Variants in KCNK18 observed in about 807,000 individuals in gnomAD.
KCNK18 encodes potassium two pore domain channel subfamily K member 18, also known as potassium channel subfamily K member 18.
KCNK18 carries 8 observed loss-of-function variants against 11.8 expected under a neutral mutation model. That is an observed-to-expected ratio of 0.68 (90% CI 0.40 to 1.22). The LOEUF is 1.22. KCNK18 is among the 50% of genes most tolerant of loss of function. The pLI is 0.01. For missense variants in KCNK18, 442 were observed against 465.4 expected, an observed-to-expected ratio of 0.95 and a Z score of 0.46; for synonymous variants, 208 against 185.8, an observed-to-expected ratio of 1.12 and a Z score of -0.97.
chr10:117,198,470 T>C (rs1341983968), intron 1 of KCNK18, among the ~76,000 whole-genome samples: 1 of 152,210 alleles, frequency 6.6e-6, no homozygotes, highest in Non-Finnish European at 1.5e-5. Flanking sequence ...ATTCTGGCTC[T>C]TGGAAGACAG....
chr10:117,201,457 C>T lies in KCNK18; in HGVS notation c.352+170C>T, dbSNP rs115451123. 3.6e-3 allele frequency among the ~76,000 whole-genome samples: 546 copies of T among 152,260 alleles called. 7 individuals carry two copies. Among genetic ancestry groups the T allele is most frequent in the African/African-American group, 0.013 (526 of 41,550 alleles). ...TACAAATAGCAGCAGCTGCGCTGGCCGACACCTTTGCACTGAAGATGCACC... is the reference window on the plus strand; with the variant it reads ...TACAAATAGCAGCAGCTGCGCTGGCTGACACCTTTGCACTGAAGATGCACC... On this transcript the variant is annotated intron_variant, in intron 2 of 2. Coordinates refer to ENST00000334549, the MANE Select transcript of KCNK18 (RefSeq NM_181840.1).
chr10:117,202,122 G>A (rs1369025728), intron 2 of KCNK18, among the ~76,000 whole-genome samples: 1 of 152,230 alleles, frequency 6.6e-6, no homozygotes, highest in African/African-American at 2.4e-5. Flanking sequence ...GAGAGAGCAA[G>A]TGCCCATCCC....
Position 117,210,016 on chromosome 10 carries a change from T to C in KCNK18, c.872T>C (p.Phe291Ser). 1 of 1,614,208 alleles carries C rather than the reference T, an allele frequency of 6.2e-7. No homozygotes were observed. Among genetic ancestry groups the C allele is most frequent in the Non-Finnish European group, 8.5e-7 (1 of 1,180,032 alleles). The change falls in exon 3 of 3, where the codon TTT becomes TCT. Residue 291 changes from phenylalanine (F) to serine (S), a missense_variant. Coordinates refer to ENST00000334549, the MANE Select transcript of KCNK18 (RefSeq NM_181840.1). ...IPLPIIALIV[F>S]AYISCAAAIL... ...CTCCCCATCATTGCCCTTATTGTTT[T>C]TGCCTACATTTCCTGTGCAGCTGCC...
At chr10:117,207,744 G>A (rs1855092609) in intron 2 of KCNK18, among the ~76,000 whole-genome samples, 1 of 152,194 alleles carries the variant, frequency 6.6e-6, no homozygotes, top group Non-Finnish European at 1.5e-5. Context: ...CCTGCTCTTG[G>A]AGGGCAGAGC....
At chr10:117,203,946 T>G (rs2429366) in intron 2 of KCNK18, among the ~76,000 whole-genome samples, 102,310 of 152,114 alleles carry the variant, frequency 0.67, 35,281 homozygotes, top group Middle Eastern at 0.79. Flanking sequence ...CTCCCAAAGT[T>G]CTGGGATTAT....
At chr10:117,207,178 G>A (rs765173194) in intron 2 of KCNK18, among the ~76,000 whole-genome samples, 74 of 152,200 alleles carry the variant, frequency 4.9e-4, no homozygotes, top group Admixed American at 2.6e-3. Flanking sequence ...ACAGGTATGC[G>A]CCATCACACC....
intron 2 of KCNK18, among the ~76,000 whole-genome samples, chr10:117,202,988 T>A (rs1163141532): frequency 1.3e-5 from 2 of 151,280 alleles, no homozygotes; most frequent in East Asian, 1.9e-4. Context: ...GTGATTCTTG[T>A]GTCTCAGTCC....
In KCNK18 at chr10:117,197,624, G is replaced by A. The variant is rs1033332692; in HGVS notation, c.136G>A (p.Asp46Asn). ...VGAVVFSAIEDGQVLVAADDG... is the reference protein window; with the variant it reads ...VGAVVFSAIENGQVLVAADDG... ...TGCTGTGGTCTTCTCTGCCATTGAG[G>A]ACGGCCAGGTCCTGGTGGCAGCAGA... Residue 46 changes from aspartate (D) to asparagine (N), a missense_variant, in exon 1 of 3, where the codon GAC becomes AAC. Asp to Asn is a conservative substitution (Grantham distance 23, BLOSUM62 1). Coordinates refer to ENST00000334549, the MANE Select transcript of KCNK18 (RefSeq NM_181840.1). The A allele has an allele frequency of 3.7e-6, 6 of 1,614,076 alleles. No homozygotes were observed. The highest frequency in any genetic ancestry group is 1.3e-5 in the African/African-American group (1 of 74,950).
chr10:117,208,203 C>T (rs187479561), intron 2 of KCNK18, among the ~76,000 whole-genome samples: 107 of 152,298 alleles, frequency 7.0e-4, no homozygotes, highest in African/African-American at 2.5e-3. Context: ...CATGTATGCT[C>T]ACGGCCAAGC....
intron 2 of KCNK18, among the ~76,000 whole-genome samples, chr10:117,203,932 CG>C (rs1161605162): frequency 6.6e-6 from 1 of 152,196 alleles, no homozygotes; most frequent in Non-Finnish European, 1.5e-5. Context: ...CTACCTGCCT[CG>C]GCCTCCCAAA....
In KCNK18 at chr10:117,201,381, C is replaced by T. The variant is rs1232684236; in HGVS notation, c.352+94C>T. 2.4e-6 allele frequency: 3 copies of T among 1,248,302 alleles called. No individual in the cohort carries two copies. The African/African-American group carries it at 4.4e-5, about 18-fold the overall frequency. 77.3% of individuals were successfully genotyped at this position (1,248,302 alleles called of 1,614,324 possible). On this transcript the variant is annotated intron_variant, in intron 2 of 2. Transcript: ENST00000334549. The stretch of plus-strand genomic sequence containing the variant: ...ACTGGAATTGGGGTGTGGAGATGGC[C>T]CTCCTCTCCCTCTCTTCTTCCCTCC...
rs771838477 is a variant in KCNK18 at position 117,210,094 on chromosome 10, G to T, written c.950G>T (p.Cys317Phe). 1.4e-5 allele frequency: 22 copies of T among 1,614,166 alleles called. No individual in the cohort carries two copies. The Middle Eastern group carries it at 2.5e-3, about 182-fold the overall frequency. ...QLDFENAFYF[C>F]FVTLTTIGFG... The stretch of plus-strand genomic sequence containing the variant: ...GATTTCGAGAATGCCTTCTATTTCT[G>T]CTTTGTCACACTCACCACCATTGGG... Residue 317 changes from cysteine (C) to phenylalanine (F), a missense_variant, in exon 3 of 3, where the codon TGC becomes TTC. Cys to Phe is a radical substitution (Grantham distance 205, BLOSUM62 -2). Coordinates refer to ENST00000334549, the MANE Select transcript of KCNK18 (RefSeq NM_181840.1).
intron 1 of KCNK18, among the ~76,000 whole-genome samples, chr10:117,198,145 A>C (rs1242079561): frequency 6.6e-6 from 1 of 152,190 alleles, no homozygotes; most frequent in Non-Finnish European, 1.5e-5. Context: ...TTCAGTTTGC[A>C]GGGATGAGAA....
chr10:117,209,183 A>G (rs1240585422), intron 2 of KCNK18, among the ~76,000 whole-genome samples: 1 of 152,076 alleles, frequency 6.6e-6, no homozygotes, highest in African/African-American at 2.4e-5. Flanking sequence ...GGTGCTCAGA[A>G]ATGGCCAGAA....
chr10:117,203,488 G>A (rs1419792868), intron 2 of KCNK18, among the ~76,000 whole-genome samples: 2 of 152,188 alleles, frequency 1.3e-5, no homozygotes, highest in Non-Finnish European at 2.9e-5. Context: ...GTAACTCCAA[G>A]AAAGACACGG....
intron 2 of KCNK18, among the ~76,000 whole-genome samples, chr10:117,206,037 G>C (rs575360075): frequency 1.3e-5 from 2 of 152,088 alleles, no homozygotes; most frequent in East Asian, 3.9e-4. Context: ...CTGGGCAACA[G>C]AGCAAGATCT....
In KCNK18 at chr10:117,204,877, C is replaced by A. The variant is rs750605784; in HGVS notation, c.352+3590C>A. Among the ~76,000 whole-genome samples, 6 of 152,308 alleles carry A rather than the reference C, an allele frequency of 3.9e-5. No individual in the cohort carries two copies. The South Asian group carries it at 1.0e-3, about 26-fold the overall frequency. On this transcript the variant is annotated intron_variant, in intron 2 of 2. Transcript: ENST00000334549. ...CCCTCCAGGTGATTCTAGTGGGAGT[C>A]CAGGCTGTGAGTCACTGATCTAATG...
At chr10:117,198,055 G>A (rs1409458618) in intron 1 of KCNK18, among the ~76,000 whole-genome samples, 4 of 152,118 alleles carry the variant, frequency 2.6e-5, no homozygotes, top group Non-Finnish European at 4.4e-5. Context: ...TTGGTGGGGT[G>A]GGGTGCATGG....
At chr10:117,209,050 T>G (rs1489690311) in intron 2 of KCNK18, among the ~76,000 whole-genome samples, 1 of 152,152 alleles carries the variant, frequency 6.6e-6, no homozygotes, top group Non-Finnish European at 1.5e-5. Context: ...CAAGGGTGGC[T>G]TCTTAAAAGC....
Sources: gnomAD v4.1 joint callset for allele counts (sites outside exome capture counted in the v4.1 genomes callset) on GRCh38, gnomAD v4.1.1 for gene constraint, MANE v1.5 for transcripts, NCBI Gene and HGNC (gene_info 2026-07-23, HGNC 2026-07-21) for gene names.